Variants in BACE2 observed in about 807,000 individuals in gnomAD.
The protein encoded by BACE2 is beta-secretase 2.
BACE2 carries 17 observed loss-of-function variants against 46.2 expected under a neutral mutation model. The observed-to-expected ratio is 0.37, with a 90% confidence interval of 0.25 to 0.55. The LOEUF (loss-of-function observed/expected upper bound fraction) is 0.55, where lower values mean the gene tolerates loss of function less well. Ranked by LOEUF, BACE2 falls within the 20% of genes least tolerant of loss-of-function variation. The probability of loss-of-function intolerance (pLI) is 0.82; values close to 1 mark genes in which losing one functional copy is unlikely to be tolerated. For missense variants in BACE2, 595 were observed against 698.1 expected (o/e 0.85, Z 1.66); for synonymous variants, 277 against 295.9 (o/e 0.94, Z 0.66).
At chr21:41,204,069 T>G (rs1310757155) in intron 1 of BACE2, among the ~76,000 whole-genome samples, 2 of 152,088 alleles carry the variant, frequency 1.3e-5, no homozygotes, top group Non-Finnish European at 2.9e-5. Flanking sequence ...CAGGCTGGAG[T>G]GCAGTGGTGC....
chr21:41,190,289 A>G (rs1434708516), intron 1 of BACE2, among the ~76,000 whole-genome samples: 1 of 152,216 alleles, frequency 6.6e-6, no homozygotes, highest in Admixed American at 6.5e-5. Context: ...TATGCCTAAC[A>G]TATTACAACT....
At chr21:41,227,071 T>G (rs1004400975) in intron 2 of BACE2, among the ~76,000 whole-genome samples, 10 of 152,222 alleles carry the variant, frequency 6.6e-5, no homozygotes, top group African/African-American at 2.4e-4. Context: ...CCTTCAGCTC[T>G]GCAGGAGCCC....
chr21:41,208,625 ATTC>A (rs1444966064), intron 1 of BACE2, among the ~76,000 whole-genome samples: 3 of 152,244 alleles, frequency 2.0e-5, no homozygotes, highest in African/African-American at 4.8e-5. Flanking sequence ...CGTGTCCAGA[ATTC>A]TTCTGATTCT....
intron 8 of BACE2, among the ~76,000 whole-genome samples, chr21:41,266,060 TG>T (rs1189445605): frequency 7.2e-5 from 11 of 152,336 alleles, no homozygotes; most frequent in African/African-American, 2.6e-4. Context: ...ATTTGGGAGA[TG>T]TATATCTGTT....
chr21:41,255,160 G>T (rs1226141687), intron 7 of BACE2, among the ~76,000 whole-genome samples: 6 of 152,236 alleles, frequency 3.9e-5, no homozygotes, highest in Non-Finnish European at 5.9e-5. Flanking sequence ...GTCTGATTTG[G>T]GGGGAACAGC....
chr21:41,248,980 C>T (rs1223957469), intron 6 of BACE2, among the ~76,000 whole-genome samples: 1 of 152,236 alleles, frequency 6.6e-6, no homozygotes, highest in African/African-American at 2.4e-5. Context: ...GCCTGAGCCA[C>T]CTGTTCTTGC....
chr21:41,239,012 T>C lies in BACE2; in HGVS notation c.618+1283T>C, dbSNP rs575767347. Among the ~76,000 whole-genome samples the C allele has an allele frequency of 2.7e-5, 4 of 148,894 alleles. No individual in the cohort carries two copies. The South Asian group carries it at 6.4e-4, about 24-fold the overall frequency. ...AGAAGGAGACCAGCTCTCCTGGCCCTGTACCTGGGTACCACGCCCTGGCCT... is the reference window on the plus strand; with the variant it reads ...AGAAGGAGACCAGCTCTCCTGGCCCCGTACCTGGGTACCACGCCCTGGCCT... On this transcript the variant is annotated intron_variant, in intron 3 of 8. Transcript: ENST00000330333.
At chr21:41,250,446 T>C (rs1192907199) in intron 6 of BACE2, among the ~76,000 whole-genome samples, 2 of 152,244 alleles carry the variant, frequency 1.3e-5, no homozygotes, top group African/African-American at 4.8e-5. Flanking sequence ...GGTTGCCTCA[T>C]CTGTAAAGTG....
At chr21:41,264,333 A>G (rs1256797465) in intron 8 of BACE2, among the ~76,000 whole-genome samples, 1 of 152,084 alleles carries the variant, frequency 6.6e-6, no homozygotes, top group Non-Finnish European at 1.5e-5. Flanking sequence ...CTGTAATCCC[A>G]GAACTTTAGG....
intron 1 of BACE2, chr21:41,181,991 G>T (rs769274098): frequency 1.2e-5 from 2 of 167,100 alleles, no homozygotes; most frequent in Non-Finnish European, 2.9e-5. Flanking sequence ...GTGGCATCAT[G>T]GTATCTGGTT....
At chr21:41,239,124 C>T (rs1356630214) in intron 3 of BACE2, among the ~76,000 whole-genome samples, 4 of 150,540 alleles carry the variant, frequency 2.7e-5, no homozygotes, top group African/African-American at 9.8e-5. Flanking sequence ...CCCACTGTCC[C>T]ATGAGGATAA....
At chr21:41,192,569 C>T (rs1466474969) in intron 1 of BACE2, among the ~76,000 whole-genome samples, 1 of 152,184 alleles carries the variant, frequency 6.6e-6, no homozygotes, top group Non-Finnish European at 1.5e-5. Context: ...AAGAAGATGG[C>T]AGGGCCTTGC....
chr21:41,197,607 C>T (rs1019421955), intron 1 of BACE2, among the ~76,000 whole-genome samples: 1 of 151,416 alleles, frequency 6.6e-6, no homozygotes, highest in Non-Finnish European at 1.5e-5. Context: ...AACTTGGAGA[C>T]AGAATTTCCT....
At chr21:41,198,633 C>T (rs1028775097) in intron 1 of BACE2, among the ~76,000 whole-genome samples, 3 of 152,332 alleles carry the variant, frequency 2.0e-5, no homozygotes, top group East Asian at 3.9e-4. Flanking sequence ...CTCTACTCTA[C>T]GGGTGGCGTA....
rs1415393765 is a variant in BACE2, at chr21:41,280,591, C to G, written c.*4967C>G. The stretch of plus-strand genomic sequence containing the variant: ...CCAGGTGAGGCTGCAGAGCAGAAAC[C>G]ACGGCTTTCAGACGTGAGCAGGCTC... On this transcript the variant is annotated 3_prime_UTR_variant, in exon 9 of 9. Coordinates refer to ENST00000330333, the MANE Select transcript of BACE2 (RefSeq NM_012105.5). The G allele has an allele frequency of 6.6e-6, 1 of 152,338 alleles. No homozygotes were observed. Among genetic ancestry groups the G allele is most frequent in the African/African-American group, 2.4e-5 (1 of 41,458 alleles). The allele number at this position is 152,338 out of a possible 1,614,324, so 9.4% of individuals were successfully genotyped here.
At position 41,281,260 on chromosome 21, in the gene BACE2, A is replaced by C. The variant is rs1012124191; in HGVS notation, c.*5636A>C. On this transcript the variant is annotated 3_prime_UTR_variant, in exon 9 of 9. Transcript: ENST00000330333. ...GCCATCTGAGTAAAATATTTTTTCC[A>C]ATGTAGATTTATAATTAGAAATGAC... 2.0e-5 allele frequency: 3 copies of C among 152,242 alleles called. No individual in the cohort carries two copies. Among genetic ancestry groups the C allele is most frequent in the Non-Finnish European group, 2.9e-5 (2 of 68,054 alleles). 9.4% of individuals were successfully genotyped at this position (152,242 alleles called of 1,614,324 possible).
At chr21:41,213,367 T>A (rs952632054) in intron 1 of BACE2, among the ~76,000 whole-genome samples, 12 of 152,324 alleles carry the variant, frequency 7.9e-5, no homozygotes, top group Non-Finnish European at 1.2e-4. Flanking sequence ...CAACAGCCTT[T>A]GTACGGTTTA....
At chr21:41,271,673 C>A (rs191147141) in intron 8 of BACE2, among the ~76,000 whole-genome samples, 1 of 151,920 alleles carries the variant, frequency 6.6e-6, no homozygotes, top group African/African-American at 2.4e-5. Flanking sequence ...TTAGTGGTTG[C>A]TTTAGAATAT....
intron 2 of BACE2, among the ~76,000 whole-genome samples, chr21:41,228,294 T>A (rs1986877120): frequency 6.6e-6 from 1 of 152,148 alleles, no homozygotes; most frequent in South Asian, 2.1e-4. Context: ...TGAGTTAACA[T>A]CACCATGGAC....
Sources: allele counts gnomAD v4.1 joint callset (sites outside exome capture counted in the v4.1 genomes callset), GRCh38; gene constraint gnomAD v4.1.1; transcripts MANE v1.5; gene names NCBI Gene and HGNC (gene_info 2026-07-23, HGNC 2026-07-21).